Variants in DOCK2 observed in about 807,000 individuals in gnomAD.
The protein encoded by DOCK2 is dedicator of cytokinesis 2, also known as dedicator of cytokinesis protein 2.
DOCK2 carries 87 observed loss-of-function variants against 248.9 expected under a neutral mutation model. The observed-to-expected ratio is 0.35, with a 90% CI of 0.29 to 0.42. The LOEUF is 0.42. Ranked by LOEUF, DOCK2 falls within the 10% of genes least tolerant of loss-of-function variation. The pLI, the probability that DOCK2 is intolerant of heterozygous loss-of-function variation, is 1.00. For synonymous variants in DOCK2, 805 were observed against 821.6 expected (o/e 0.98, Z 0.35); for missense variants, 1,747 against 2,300.2 (o/e 0.76, Z 4.92).
chr5:169,741,737 T>G (rs1307626747), intron 22 of DOCK2, among the ~76,000 whole-genome samples: 1 of 151,460 alleles, frequency 6.6e-6, no homozygotes, highest in Non-Finnish European at 1.5e-5. Context: ...CCCTACCCAC[T>G]GACTTGCTCT....
At chr5:169,967,948 G>C (rs1028423130) in intron 27 of DOCK2, among the ~76,000 whole-genome samples, 2 of 152,180 alleles carry the variant, frequency 1.3e-5, no homozygotes, top group African/African-American at 2.4e-5. Context: ...CTGGTTCTGA[G>C]AAGGAGCACA....
chr5:169,888,231 A>G lies in DOCK2; in HGVS notation c.2799+47379A>G, dbSNP rs189383041. ...ACATCGTGGGGAATACACCTGGCTA[A>G]AAGCACCCTCTGGAGGCCCTTAAGT... On this transcript the variant is annotated intron_variant, in intron 27 of 51. Transcript: ENST00000520908. Among the ~76,000 whole-genome samples the G allele has an allele frequency of 1.8e-4, 27 of 152,282 alleles. No individual in the cohort carries two copies. The East Asian group carries it at 5.2e-3, about 29-fold the overall frequency.
intron 29 of DOCK2, among the ~76,000 whole-genome samples, chr5:169,990,137 C>T (rs373480189): frequency 9.2e-5 from 14 of 151,862 alleles, no homozygotes; most frequent in Admixed American, 7.2e-4. Context: ...CTCACTCTGT[C>T]GCCCAGGCTG....
At chr5:169,712,312 A>T in intron 17 of DOCK2, 89 bp downstream of exon 17, 1 of 1,161,882 alleles carries the variant, frequency 8.6e-7, no homozygotes, top group Non-Finnish European at 1.3e-6. Flanking sequence ...AACAGCAGGG[A>T]CCCCAGAATC....
intron 27 of DOCK2, among the ~76,000 whole-genome samples, chr5:169,853,448 T>G (rs183041365): frequency 1.3e-5 from 2 of 152,348 alleles, no homozygotes; most frequent in Admixed American, 6.5e-5. Context: ...AACCCATTTT[T>G]CCAGATTTAT....
intron 21 of DOCK2, among the ~76,000 whole-genome samples, chr5:169,718,059 A>AAAAAC (rs145928943): frequency 1.1e-4 from 16 of 150,490 alleles, no homozygotes; most frequent in South Asian, 2.1e-4. Flanking sequence ...GACTCATCTC[A>AAAAAC]AAAACAAAAC....
At chr5:169,699,089 T>TCAAGTCTTCACC (rs3841609) in intron 11 of DOCK2, among the ~76,000 whole-genome samples, 31 of 151,984 alleles carry the variant, frequency 2.0e-4, no homozygotes, top group African/African-American at 7.2e-4. Flanking sequence ...CAGGAGCAAC[T>TCAAGTCTTCACC]CTTGCTAAGC....
At chr5:169,977,441 C>T (rs192438417) in intron 27 of DOCK2, among the ~76,000 whole-genome samples, 7 of 152,318 alleles carry the variant, frequency 4.6e-5, no homozygotes, top group East Asian at 3.9e-4. Context: ...CTGCTATTAT[C>T]GAGGGCTTTC....
intron 12 of DOCK2, 76 bp downstream of exon 12, chr5:169,699,534 A>C: frequency 7.1e-7 from 1 of 1,417,820 alleles, no homozygotes; most frequent in South Asian, 1.3e-5. Flanking sequence ...ATGAATCAAA[A>C]TCCTGAACCC....
intron 27 of DOCK2, among the ~76,000 whole-genome samples, chr5:169,841,914 T>C (rs1363843638): frequency 6.6e-6 from 1 of 152,236 alleles, no homozygotes; most frequent in South Asian, 2.1e-4. Context: ...GCACTTGGCA[T>C]ATAGCAGGTG....
intron 27 of DOCK2, among the ~76,000 whole-genome samples, chr5:169,929,660 C>G (rs940812969): frequency 1.3e-5 from 2 of 148,988 alleles, no homozygotes; most frequent in Non-Finnish European, 3.0e-5. Flanking sequence ...GAGAATCACT[C>G]AAGCCTGGGA....
chr5:169,693,947 T>G (rs1760453367), intron 9 of DOCK2, among the ~76,000 whole-genome samples: 1 of 152,224 alleles, frequency 6.6e-6, no homozygotes, highest in African/African-American at 2.4e-5. Flanking sequence ...CTTAGTCAGC[T>G]GGTTGTAGAT....
chr5:169,666,302 C>A (rs1226057359), intron 2 of DOCK2, among the ~76,000 whole-genome samples: 1 of 152,188 alleles, frequency 6.6e-6, no homozygotes, highest in Non-Finnish European at 1.5e-5. Context: ...CTAATGCCAT[C>A]ACATCAGGTG....
rs181344840 is a variant in DOCK2 at position 170,047,437 on chromosome 5, C to T, written c.3967-73C>T. 2.9e-6 allele frequency: 4 copies of T among 1,364,448 alleles called. No individual in the cohort carries two copies. The Admixed American group carries it at 7.4e-5, about 25-fold the overall frequency. 84.5% of individuals were successfully genotyped at this position (1,364,448 alleles called of 1,614,324 possible). On this transcript the variant is annotated intron_variant, in intron 39 of 51. Transcript: ENST00000520908. Reference sequence around the variant, plus strand: ...CTCTGGTATAATGAAAATGTCTTCACCAAGGCCTCTTTGAGTTGAATGTGC... The same window carrying T: ...CTCTGGTATAATGAAAATGTCTTCATCAAGGCCTCTTTGAGTTGAATGTGC...
At position 170,082,873 on chromosome 5, in the gene DOCK2, G is replaced by C; in HGVS notation, c.*15G>C. 1 of 1,614,178 alleles carries C rather than the reference G, an allele frequency of 6.2e-7. No individual in the cohort carries two copies. The highest frequency in any genetic ancestry group is 8.5e-7 in the Non-Finnish European group (1 of 1,180,020). On this transcript the variant is annotated 3_prime_UTR_variant, in exon 52 of 52. Coordinates refer to ENST00000520908, the MANE Select transcript of DOCK2 (RefSeq NM_004946.3). ...CGGACCTGTGAGCTGCTGCTGACTA[G>C]GGCTGCATGGGAGAGCCAGGGAGGG... is the stretch of plus-strand genomic sequence containing the variant.
chr5:169,753,629 G>A (rs997432739), intron 23 of DOCK2, among the ~76,000 whole-genome samples: 3 of 152,138 alleles, frequency 2.0e-5, no homozygotes, highest in African/African-American at 7.2e-5. Context: ...CCAAACAATA[G>A]CGCAATTTCA....
At chr5:169,995,835 T>C (rs1754604704) in intron 29 of DOCK2, among the ~76,000 whole-genome samples, 1 of 152,224 alleles carries the variant, frequency 6.6e-6, no homozygotes, top group African/African-American at 2.4e-5. Flanking sequence ...CATAAGCTTG[T>C]AATATCTTAA....
At chr5:169,793,616 T>C (rs1766480305) in intron 25 of DOCK2, among the ~76,000 whole-genome samples, 1 of 152,124 alleles carries the variant, frequency 6.6e-6, no homozygotes, top group Admixed American at 6.5e-5. Context: ...CTCAGTGTTT[T>C]CCCACCTTCC....
chr5:169,827,880 A>G (rs1362275371), intron 26 of DOCK2, among the ~76,000 whole-genome samples: 1 of 151,370 alleles, frequency 6.6e-6, no homozygotes, highest in Non-Finnish European at 1.5e-5. Flanking sequence ...ACACACACAC[A>G]CACACATGGT....
Sources: allele counts gnomAD v4.1 joint callset (sites outside exome capture counted in the v4.1 genomes callset), GRCh38; gene constraint gnomAD v4.1.1; transcripts MANE v1.5; gene names NCBI Gene and HGNC (gene_info 2026-07-23, HGNC 2026-07-21).